VNN1: variants seen among roughly 807,000 people sequenced by gnomAD.
The protein encoded by VNN1 is vanin 1.
Under a neutral mutation model 41.9 loss-of-function variants are expected in VNN1, and 29 were observed. The observed-to-expected ratio is 0.69, with a 90% CI of 0.52 to 0.94. VNN1 has a LOEUF of 0.94. VNN1 is among the 40% of genes least tolerant of loss of function. VNN1 has a pLI of 0.00. For missense variants in VNN1, 637 were observed against 621.1 expected, an observed-to-expected ratio of 1.03 and a Z score of -0.27; for synonymous variants, 233 against 224.4, an observed-to-expected ratio of 1.04 and a Z score of -0.34.
Position 132,693,173 on chromosome 6 carries a change from T to A in VNN1, c.677A>T (p.Asp226Val). 1.9e-6 allele frequency: 3 copies of A among 1,614,126 alleles called. No homozygotes were observed. The highest frequency in any genetic ancestry group is 2.5e-6 in the Non-Finnish European group (3 of 1,180,006). ...GAATACTATGGTGTCCACGTGGAAA[T>A]CTTTCACCAAGGTAACAGCAGGATC... is the stretch of plus-strand genomic sequence containing the variant. ...FHDPAVTLVKDFHVDTIVFPT... is the reference protein window; with the variant it reads ...FHDPAVTLVKVFHVDTIVFPT... Residue 226 changes from aspartate (D) to valine (V), a missense_variant, in exon 4 of 7, where the codon GAT (aspartate) becomes GTT (valine). By Grantham distance (152) the Asp-to-Val change is radical. Transcript: ENST00000367928.
chr6:132,686,098 T>G (rs1407994156), intron 5 of VNN1, among the ~76,000 whole-genome samples: 1 of 151,020 alleles, frequency 6.6e-6, no homozygotes, highest in Non-Finnish European at 1.5e-5. Flanking sequence ...AAATAATTTT[T>G]TAGTATAAGT....
chr6:132,681,099 G>GTT lies in VNN1; in HGVS notation c.*2039_*2040dup, dbSNP rs1778113061. Among the ~76,000 whole-genome samples the GTT allele has an allele frequency of 6.6e-6, 1 of 152,062 alleles. No individual in the cohort carries two copies. Among genetic ancestry groups the GTT allele is most frequent in the African/African-American group, 2.4e-5 (1 of 41,384 alleles). Reference sequence around the variant, plus strand: ...CCCACCTCCTGATATTCTCAACTCTGTTTGATTCTGTCCACGTTGTGCCAT... The same window carrying GTT: ...CCCACCTCCTGATATTCTCAACTCTGTTTTTGATTCTGTCCACGTTGTGCCAT... On this transcript the variant is annotated 3_prime_UTR_variant, in exon 7 of 7. Transcript: ENST00000367928.
chr6:132,710,951 T>C (rs1778590376), intron 2 of VNN1, among the ~76,000 whole-genome samples: 1 of 152,228 alleles, frequency 6.6e-6, no homozygotes, highest in Middle Eastern at 3.2e-3. Context: ...CACCACACTG[T>C]CTTCCACAAT....
chr6:132,701,463 A>G (rs1778448483), intron 2 of VNN1, among the ~76,000 whole-genome samples: 1 of 152,220 alleles, frequency 6.6e-6, no homozygotes, highest in Admixed American at 6.5e-5. Flanking sequence ...GGAAAAGCTG[A>G]AAGCCTTTGT....
intron 2 of VNN1, among the ~76,000 whole-genome samples, chr6:132,700,789 C>CT (rs1434470344): frequency 1.3e-5 from 2 of 152,052 alleles, no homozygotes; most frequent in Non-Finnish European, 2.9e-5. Context: ...AAACACTTCA[C>CT]ATTTAACAGT....
At chr6:132,710,208 C>A (rs371741372) in intron 2 of VNN1, among the ~76,000 whole-genome samples, 27 of 152,114 alleles carry the variant, frequency 1.8e-4, no homozygotes, top group African/African-American at 6.3e-4. Flanking sequence ...CACCACCACG[C>A]CCCACTAATT....
chr6:132,709,358 A>G (rs1778563845), intron 2 of VNN1, among the ~76,000 whole-genome samples: 1 of 152,030 alleles, frequency 6.6e-6, no homozygotes. Flanking sequence ...ATAGGTACTC[A>G]AAAAAAATTT....
intron 2 of VNN1, among the ~76,000 whole-genome samples, chr6:132,709,365 AT>A: frequency 6.6e-6 from 1 of 152,142 alleles, no homozygotes; most frequent in Non-Finnish European, 1.5e-5. Flanking sequence ...CTCAAAAAAA[AT>A]TTGCAGAGTT....
chr6:132,694,169 G>A lies in VNN1; in HGVS notation c.355C>T (p.Pro119Ser). The change falls in exon 3 of 7, where the codon CCA becomes TCA. Residue 119 changes from proline (P) to serine (S), a missense_variant. Pro to Ser is a moderately conservative substitution (Grantham distance 74). Coordinates refer to ENST00000367928, the MANE Select transcript of VNN1 (RefSeq NM_004666.3). ...CNNRNRFGQT[P>S]VQERLSCLAK... ...AGGCAGCTGAGTCTTTCTTGTACTG[G>A]GGTCTGGCCAAATCTGATACATGTT... The A allele has an allele frequency of 6.3e-7, 1 of 1,597,624 alleles. No homozygotes were observed. The highest frequency in any genetic ancestry group is 8.5e-7 in the Non-Finnish European group (1 of 1,173,060).
chr6:132,693,409 G>T, intron 3 of VNN1, 94 bp from the exon 4 acceptor site: 3 of 1,241,518 alleles, frequency 2.4e-6, no homozygotes, highest in Non-Finnish European at 2.2e-6. Context: ...ACATCTTAGT[G>T]CCAATTTCAT....
At position 132,682,182 on chromosome 6, in the gene VNN1, A is replaced by G. The variant is rs1778134614; in HGVS notation, c.*958T>C. 6.6e-6 allele frequency: 1 copy of G among 152,214 alleles called. No individual in the cohort carries two copies. The highest frequency in any genetic ancestry group is 1.5e-5 in the Non-Finnish European group (1 of 68,040). 9.4% of individuals were successfully genotyped at this position (152,214 alleles called of 1,614,324 possible). ...AATTCAATGATCTAATGGTTTCACTATCAATCCATCAGCAATCCTTCTCTA... is the reference window on the plus strand; with the variant it reads ...AATTCAATGATCTAATGGTTTCACTGTCAATCCATCAGCAATCCTTCTCTA... On this transcript the variant is annotated 3_prime_UTR_variant, in exon 7 of 7. Coordinates refer to ENST00000367928, the MANE Select transcript of VNN1 (RefSeq NM_004666.3).
chr6:132,709,476 G>C (rs981571141), intron 2 of VNN1, among the ~76,000 whole-genome samples: 1 of 152,114 alleles, frequency 6.6e-6, no homozygotes, highest in Non-Finnish European at 1.5e-5. Flanking sequence ...TTCAAGACCA[G>C]CCTGGCCAAC....
chr6:132,701,033 T>C (rs1304586624), intron 2 of VNN1, among the ~76,000 whole-genome samples: 3 of 152,208 alleles, frequency 2.0e-5, no homozygotes, highest in Non-Finnish European at 2.9e-5. Context: ...GGTGGAATTA[T>C]GTGTTGATTT....
intron 2 of VNN1, among the ~76,000 whole-genome samples, chr6:132,703,902 G>T (rs1778482896): frequency 6.6e-6 from 1 of 152,116 alleles, no homozygotes; most frequent in Non-Finnish European, 1.5e-5. Flanking sequence ...AGGAGCAGGG[G>T]TAGCTATATT....
chr6:132,685,595 T>C (rs1019970498), intron 5 of VNN1, among the ~76,000 whole-genome samples: 5 of 152,152 alleles, frequency 3.3e-5, no homozygotes, highest in Admixed American at 6.5e-5. Context: ...AAAGTAGTAA[T>C]TGATTCAGCA....
intron 5 of VNN1, among the ~76,000 whole-genome samples, chr6:132,687,240 T>G (rs1039168113): frequency 6.6e-6 from 1 of 152,170 alleles, no homozygotes; most frequent in African/African-American, 2.4e-5. Context: ...ACATTCACAA[T>G]CCTGAAGAAA....
chr6:132,693,873 C>G, intron 3 of VNN1, 117 bp downstream of exon 3: 2 of 1,204,884 alleles, frequency 1.7e-6, no homozygotes, highest in South Asian at 2.8e-5. Flanking sequence ...ACTTTCTATG[C>G]TTTGCCCCTA....
chr6:132,681,508 T>C lies in VNN1; in HGVS notation c.*1632A>G, dbSNP rs1047492994. 4.6e-5 allele frequency: 7 copies of C among 152,226 alleles called. No individual in the cohort carries two copies. Among genetic ancestry groups the C allele is most frequent in the Non-Finnish European group, 1.5e-5 (1 of 68,046 alleles). 9.4% of individuals were successfully genotyped at this position (152,226 alleles called of 1,614,324 possible). A position where few individuals can be genotyped will look rare whatever the true frequency, so the allele number is the denominator to read the frequency against. On this transcript the variant is annotated 3_prime_UTR_variant, in exon 7 of 7. Transcript: ENST00000367928. ...ATAATAAATGTTTGTTGTTTTAAGA[T>C]AATAGTTTGGGGGCAATTCATTACA...
In VNN1 at chr6:132,694,185, G is replaced by T; in HGVS notation, c.342-3C>A. ...CTTGTACTGGGGTCTGGCCAAATCT[G>T]ATACATGTTTATTGGAGGAAAAAAA... On this transcript the variant is annotated splice_polypyrimidine_tract_variant and splice_region_variant and intron_variant, in intron 2 of 6. Transcript: ENST00000367928. 1 of 1,566,662 alleles carries T rather than the reference G, an allele frequency of 6.4e-7. No homozygotes were observed. Among genetic ancestry groups the T allele is most frequent in the Non-Finnish European group, 8.6e-7 (1 of 1,158,444 alleles).
Sources: allele counts gnomAD v4.1 joint callset (sites outside exome capture counted in the v4.1 genomes callset), GRCh38; gene constraint gnomAD v4.1.1; transcripts MANE v1.5; gene names NCBI Gene and HGNC (gene_info 2026-07-23, HGNC 2026-07-21).